The following PRRG4 variants were observed in gnomAD, a reference collection of about 807,000 sequenced individuals.
PRRG4 encodes transmembrane gamma-carboxyglutamic acid protein 4.
PRRG4 carries 12 observed loss-of-function variants against 20.0 expected under a neutral mutation model. That is an observed-to-expected ratio of 0.60 (90% CI 0.38 to 0.97). The LOEUF (loss-of-function observed/expected upper bound fraction) is 0.97, where lower values mean the gene tolerates loss of function less well. Among genes scored for constraint, PRRG4 ranks in the 50% least tolerant of loss-of-function variants. PRRG4 has a pLI of 0.00. For synonymous variants in PRRG4, 94 were observed against 96.4 expected, an observed-to-expected ratio of 0.98 and a Z score of 0.15; for missense variants, 199 against 265.1, an observed-to-expected ratio of 0.75 and a Z score of 1.73.
At chr11:32,847,298 T>A (rs7104571) in intron 5 of PRRG4, among the ~76,000 whole-genome samples, 4 of 148,488 alleles carry the variant, frequency 2.7e-5, no homozygotes, top group African/African-American at 7.8e-5. Context: ...ATAACCCACG[T>A]TTTTTTTAGT....
intron 1 of PRRG4, 98 bp downstream of exon 1, chr11:32,830,271 C>T (rs1590664795): frequency 1.0e-6 from 1 of 979,240 alleles, no homozygotes; most frequent in East Asian, 3.6e-5. Context: ...GCGAGGGTTG[C>T]CCGCGGCGAC....
At chr11:32,845,942 C>G (rs1403235768) in intron 5 of PRRG4, among the ~76,000 whole-genome samples, 2 of 151,816 alleles carry the variant, frequency 1.3e-5, no homozygotes, top group Non-Finnish European at 2.9e-5. Flanking sequence ...ATCACTTGAG[C>G]CCACGAGTTT....
chr11:32,836,786 G>A lies in PRRG4; in HGVS notation c.232G>A (p.Glu78Lys). The change falls in exon 3 of 6, where the codon GAA becomes AAA. Residue 78 changes from glutamate (E) to lysine (K), a missense_variant. Transcript: ENST00000257836. ...ECNEELCNYEEAREIFVDEDK... is the reference protein window; with the variant it reads ...ECNEELCNYEKAREIFVDEDK... ...CAATGAAGAACTTTGCAATTATGAG[G>A]AAGCCAGAGAGATTTTTGTGGATGA... 1 of 1,612,498 alleles carries A rather than the reference G, an allele frequency of 6.2e-7. No homozygotes were observed. Among genetic ancestry groups the A allele is most frequent in the Non-Finnish European group, 8.5e-7 (1 of 1,179,420 alleles).
In PRRG4 at chr11:32,853,543, G is replaced by A; in HGVS notation, c.*16G>A. On this transcript the variant is annotated 3_prime_UTR_variant, in exon 6 of 6. Transcript: ENST00000257836. ...ATCTCACTGACTACCTTGTCATTTT[G>A]GTATAAGAAATTTGTGTTATTTGAT... The A allele has an allele frequency of 6.3e-7, 1 of 1,596,382 alleles. No individual in the cohort carries two copies. The highest frequency in any genetic ancestry group is 1.3e-5 in the African/African-American group (1 of 74,730).
intron 2 of PRRG4, among the ~76,000 whole-genome samples, chr11:32,834,354 G>C (rs1851000980): frequency 6.6e-6 from 1 of 152,090 alleles, no homozygotes; most frequent in African/African-American, 2.4e-5. Flanking sequence ...CCATTTGGTG[G>C]TAATATAAAA....
chr11:32,849,292 T>C (rs966410288), intron 5 of PRRG4, among the ~76,000 whole-genome samples: 14 of 151,270 alleles, frequency 9.3e-5, no homozygotes, highest in African/African-American at 3.4e-4. Context: ...CCGGGGAGAT[T>C]GAAGTTGCAG....
chr11:32,854,275 G>C lies in PRRG4; in HGVS notation c.*748G>C, dbSNP rs1020097470. On this transcript the variant is annotated 3_prime_UTR_variant, in exon 6 of 6. Transcript: ENST00000257836. Reference sequence around the variant, plus strand: ...AACCATTAAGATTATCCAAAGTCAGGCTGGGCGCAGTGGCTCACGCCTGTA... The same window carrying C: ...AACCATTAAGATTATCCAAAGTCAGCCTGGGCGCAGTGGCTCACGCCTGTA... 1 of 152,238 alleles carries C rather than the reference G, an allele frequency of 6.6e-6. No homozygotes were observed. The allele number at this position is 152,238 out of a possible 1,614,324, so 9.4% of individuals were successfully genotyped here.
At position 32,836,839 on chromosome 11, in the gene PRRG4, G is replaced by A; in HGVS notation, c.267+18G>A. ...ATAAAACGGTAATGTGGTTGATTAT[G>A]TTAATTGGCTGGAAATGTTAAATTG... On this transcript the variant is annotated intron_variant, in intron 3 of 5. Coordinates refer to ENST00000257836, the MANE Select transcript of PRRG4 (RefSeq NM_024081.6). 6.3e-7 allele frequency: 1 copy of A among 1,598,966 alleles called. No homozygotes were observed. The highest frequency in any genetic ancestry group is 8.5e-7 in the Non-Finnish European group (1 of 1,171,490).
intron 3 of PRRG4, 115 bp from the exon 4 acceptor site, chr11:32,838,767 C>T (rs1250660808): frequency 1.4e-6 from 1 of 698,802 alleles, no homozygotes; most frequent in African/African-American, 1.8e-5. Flanking sequence ...ATGAACTGGT[C>T]TCCTACCTAT....
In PRRG4 at chr11:32,840,475, A is replaced by C. The variant is rs1240512479; in HGVS notation, c.449+236A>C. Among the ~76,000 whole-genome samples the C allele has an allele frequency of 6.6e-6, 1 of 152,186 alleles. No homozygotes were observed. ...TAGTAGATTTATCAAAACTAAGAAA[A>C]TGACATTGGTTCATGACTATTAACT... On this transcript the variant is annotated intron_variant, in intron 5 of 5. Transcript: ENST00000257836. The surrounding 1 kb of genome is among the most constrained non-coding windows in gnomAD (Gnocchi z 4.1).
rs1850947288 is a variant in PRRG4 at position 32,830,025 on chromosome 11, C to T, written c.-171C>T. ...CCCAGGCCCTTCCCAGGTTTGCGCG[C>T]GGGGGCCATCCAGACCCTGCGGAGA... On this transcript the variant is annotated 5_prime_UTR_variant, in exon 1 of 6. Transcript: ENST00000257836. The T allele has an allele frequency of 4.1e-6, 4 of 985,836 alleles. No homozygotes were observed. In the African/African-American group the frequency reaches 7.0e-5, roughly 17 times the overall value. The allele number at this position is 985,836 out of a possible 1,614,324, so 61.1% of individuals were successfully genotyped here.
In PRRG4 at chr11:32,845,019, T is replaced by C. The variant is rs1042725857; in HGVS notation, c.449+4780T>C. 1.5e-4 allele frequency among the ~76,000 whole-genome samples: 23 copies of C among 152,272 alleles called. No homozygotes were observed. The East Asian group carries it at 3.7e-3, about 24-fold the overall frequency. ...GTATTATATTGCAAATAAGTTTTCT[T>C]CAAATTTGGTAGATCTACAAAAATT... On this transcript the variant is annotated intron_variant, in intron 5 of 5. Transcript: ENST00000257836.
intron 5 of PRRG4, among the ~76,000 whole-genome samples, chr11:32,852,280 A>G (rs1340535883): frequency 6.6e-6 from 1 of 152,234 alleles, no homozygotes; most frequent in South Asian, 2.1e-4. Flanking sequence ...GTGTGGCTGC[A>G]GTAAGAGAGG....
At chr11:32,831,528 C>G (rs1188731441) in intron 2 of PRRG4, among the ~76,000 whole-genome samples, 2 of 152,184 alleles carry the variant, frequency 1.3e-5, no homozygotes, top group Non-Finnish European at 2.9e-5. Flanking sequence ...GCGTGAAACT[C>G]TGATGACAGA....
At chr11:32,829,838 C>T (rs1277090215), upstream of PRRG4, 34 of 985,290 alleles carry the variant, frequency 3.5e-5, no homozygotes, top group Non-Finnish European at 4.1e-5. Context: ...GAGACGCCGG[C>T]CCACTGCCCG....
At chr11:32,853,261 C>A in intron 5 of PRRG4, 35 bp from the exon 6 acceptor site, 1 of 1,503,820 alleles carries the variant, frequency 6.6e-7, no homozygotes, top group Non-Finnish European at 9.2e-7. Flanking sequence ...AAAAATGCTA[C>A]CTTTCCTAGA....
Position 32,853,793 on chromosome 11 carries a change from A to G in PRRG4, c.*266A>G. On this transcript the variant is annotated 3_prime_UTR_variant, in exon 6 of 6. Coordinates refer to ENST00000257836, the MANE Select transcript of PRRG4 (RefSeq NM_024081.6). Reference sequence around the variant, plus strand: ...CAGTAAGCTGAGATCACGCCACTGCATTCCAGCCTGGGCGACAGAGCAAGA... The same window carrying G: ...CAGTAAGCTGAGATCACGCCACTGCGTTCCAGCCTGGGCGACAGAGCAAGA... 1 of 331,092 alleles carries G rather than the reference A, an allele frequency of 3.0e-6. No individual in the cohort carries two copies. The highest frequency in any genetic ancestry group is 4.3e-5 in the South Asian group (1 of 23,038). 20.5% of individuals were successfully genotyped at this position (331,092 alleles called of 1,614,324 possible).
At position 32,840,228 on chromosome 11, in the gene PRRG4, A is replaced by T; in HGVS notation, c.438A>T (p.Leu146=). Reference sequence around the variant, plus strand: ...TTTGTATCACTAAGTGTAATAGGCTACAACATCCATGGTAAGTACTAAGTG... The same window carrying T: ...TTTGTATCACTAAGTGTAATAGGCTTCAACATCCATGGTAAGTACTAAGTG... ...YYLCITKCNR[L]QHPCSSAVYE... The change falls in exon 5 of 6, where the codon CTA becomes CTT. Residue 146 remains leucine (L), a synonymous_variant. Coordinates refer to ENST00000257836, the MANE Select transcript of PRRG4 (RefSeq NM_024081.6). The surrounding 1 kb of genome is among the most constrained non-coding windows in gnomAD (Gnocchi z 4.1). 1 of 1,594,444 alleles carries T rather than the reference A, an allele frequency of 6.3e-7. No individual in the cohort carries two copies. Among genetic ancestry groups the T allele is most frequent in the Non-Finnish European group, 8.6e-7 (1 of 1,165,240 alleles).
chr11:32,830,342 G>A (rs992246016), intron 1 of PRRG4, among the ~76,000 whole-genome samples, 166 bp from the exon 2 acceptor site: 3 of 152,240 alleles, frequency 2.0e-5, no homozygotes, highest in Non-Finnish European at 4.4e-5. Context: ...GGCGCTCTCA[G>A]GGGCTGCTTC....
Sources: allele counts gnomAD v4.1 joint callset (sites outside exome capture counted in the v4.1 genomes callset), GRCh38; gene constraint gnomAD v4.1.1; non-coding constraint Gnocchi (gnomAD v3.1); transcripts MANE v1.5; gene names NCBI Gene and HGNC (gene_info 2026-07-23, HGNC 2026-07-21).